ANKRD31: variants seen among roughly 807,000 people sequenced by gnomAD.
ANKRD31 encodes ankyrin repeat domain 31, also known as ankyrin repeat domain-containing protein 31.
In ANKRD31, 147 loss-of-function variants were observed where a neutral mutation model predicts 186.0. The ratio of observed to expected loss-of-function variants is 0.79; its 90% confidence interval spans 0.69 to 0.91. ANKRD31 has a LOEUF of 0.91. ANKRD31 is among the 40% of genes least tolerant of loss of function. ANKRD31 has a pLI of 0.00. For missense variants in ANKRD31, 1,986 were observed against 2,148.8 expected (o/e 0.92, Z 1.50); for synonymous variants, 673 against 736.4 (o/e 0.91, Z 1.39).
intron 3 of ANKRD31, among the ~76,000 whole-genome samples, chr5:75,219,348 G>T (rs952820051): frequency 6.6e-6 from 1 of 152,030 alleles, no homozygotes; most frequent in Non-Finnish European, 1.5e-5. Context: ...ACCAAAAGCA[G>T]CCAAACTGAC....
chr5:75,176,834 C>T (rs1453331216), intron 10 of ANKRD31, among the ~76,000 whole-genome samples: 2 of 152,212 alleles, frequency 1.3e-5, no homozygotes, highest in African/African-American at 4.8e-5. Context: ...GCCTCTCCTC[C>T]TCTAAAGGAA....
intron 5 of ANKRD31, among the ~76,000 whole-genome samples, chr5:75,201,351 A>AC (rs1214247496): frequency 6.6e-6 from 1 of 152,140 alleles, no homozygotes; most frequent in Non-Finnish European, 1.5e-5. Context: ...ACAAGTGATG[A>AC]CATATTTCAT....
chr5:75,161,563 C>T (rs1393738027), intron 11 of ANKRD31, among the ~76,000 whole-genome samples: 1 of 152,188 alleles, frequency 6.6e-6, no homozygotes, highest in East Asian at 1.9e-4. Flanking sequence ...AAGTCAGCTG[C>T]AGAAACTTGC....
At chr5:75,075,778 G>A (rs190882892) in intron 25 of ANKRD31, among the ~76,000 whole-genome samples, 3 of 152,288 alleles carry the variant, frequency 2.0e-5, no homozygotes, top group South Asian at 2.1e-4. Flanking sequence ...GTAATGTTGA[G>A]GGGAGGAGGG....
intron 5 of ANKRD31, among the ~76,000 whole-genome samples, chr5:75,205,920 C>G (rs1246426453): frequency 2.0e-5 from 3 of 151,828 alleles, no homozygotes; most frequent in Non-Finnish European, 2.9e-5. Context: ...ACATGAAATT[C>G]TTATTAAAAA....
intron 10 of ANKRD31, among the ~76,000 whole-genome samples, chr5:75,173,465 CT>C (rs1753517987): frequency 6.6e-6 from 1 of 152,036 alleles, no homozygotes. Context: ...GATGACATCA[CT>C]TTATATTTAG....
At chr5:75,228,861 A>G (rs895637727) in intron 2 of ANKRD31, among the ~76,000 whole-genome samples, 3 of 152,216 alleles carry the variant, frequency 2.0e-5, no homozygotes, top group Non-Finnish European at 4.4e-5. Flanking sequence ...CTGGAGATCA[A>G]TATTACACAC....
intron 17 of ANKRD31, among the ~76,000 whole-genome samples, chr5:75,131,301 C>T (rs6877833): frequency 0.049 from 7,520 of 152,166 alleles, 447 homozygotes; most frequent in African/African-American, 0.14. Context: ...GCACCGAGAG[C>T]GAGCGAGGGT....
In ANKRD31 at chr5:75,118,266, T is replaced by C. The variant is rs1232889106; in HGVS notation, c.3908A>G (p.Asn1303Ser). 2.6e-6 allele frequency: 4 copies of C among 1,511,914 alleles called. No individual in the cohort carries two copies. The Admixed American group carries it at 6.9e-5, about 26-fold the overall frequency. The allele number at this position is 1,511,914 out of a possible 1,614,324, so 93.7% of individuals were successfully genotyped here. A position where few individuals can be genotyped will look rare whatever the true frequency, so the allele number is the denominator to read the frequency against. Residue 1303 changes from asparagine (N) to serine (S), a missense_variant, in exon 18 of 26, where the codon AAC becomes AGC. Physicochemically the swap from Asn to Ser is conservative, Grantham distance 46 (BLOSUM62 1). Transcript: ENST00000506364. ...CTGTTTTTGATCTTTTTGATTAGGG[T>C]TTGCTCCATTTTGTAGTAGAATCTC... ...AAEILLQNGA[N>S]PNQKDQKQKS...
At chr5:75,183,308 T>TGCTA (rs1754461661) in intron 10 of ANKRD31, among the ~76,000 whole-genome samples, 2 of 152,180 alleles carry the variant, frequency 1.3e-5, no homozygotes, top group African/African-American at 4.8e-5. Context: ...ATAGCTACCT[T>TGCTA]CATATGAAAC....
At chr5:75,136,146 A>C (rs1750556766) in intron 17 of ANKRD31, among the ~76,000 whole-genome samples, 1 of 152,228 alleles carries the variant, frequency 6.6e-6, no homozygotes, top group Non-Finnish European at 1.5e-5. Flanking sequence ...TGGCAACAAA[A>C]GCCAAAGTTG....
At chr5:75,093,004 C>G (rs991728931) in intron 22 of ANKRD31, among the ~76,000 whole-genome samples, 13 of 151,950 alleles carry the variant, frequency 8.6e-5, no homozygotes, top group Non-Finnish European at 1.8e-4. Context: ...CAGATTTAAA[C>G]TGGCAAGAGA....
At chr5:75,109,670 C>A (rs2150066959) in intron 20 of ANKRD31, among the ~76,000 whole-genome samples, 1 of 152,200 alleles carries the variant, frequency 6.6e-6, no homozygotes, top group South Asian at 2.1e-4. Flanking sequence ...ACAGCAGGGC[C>A]AAAAGAAAGT....
chr5:75,167,889 G>T (rs1023531141), intron 11 of ANKRD31, among the ~76,000 whole-genome samples: 10 of 152,076 alleles, frequency 6.6e-5, no homozygotes, highest in Non-Finnish European at 1.3e-4. Flanking sequence ...GAGCAAATGG[G>T]CTATGGTGTT....
intron 20 of ANKRD31, among the ~76,000 whole-genome samples, chr5:75,107,963 C>T (rs1000369934): frequency 6.6e-6 from 1 of 151,828 alleles, no homozygotes; most frequent in Admixed American, 6.6e-5. Flanking sequence ...AAAATTATTT[C>T]ATTTTTTTAA....
At chr5:75,195,557 T>C (rs1227830120) in intron 7 of ANKRD31, 74 bp downstream of exon 7, 2 of 1,270,688 alleles carry the variant, frequency 1.6e-6, no homozygotes, top group East Asian at 5.1e-5. Flanking sequence ...CACTGAAAGA[T>C]GCTTGTCCTA....
chr5:75,225,017 C>T (rs1217824581), intron 2 of ANKRD31, among the ~76,000 whole-genome samples: 2 of 152,022 alleles, frequency 1.3e-5, no homozygotes, highest in Non-Finnish European at 2.9e-5. Context: ...TTAAAATAGG[C>T]CTAACACTGG....
rs191553494 is a variant in ANKRD31 at position 75,184,167 on chromosome 5, A to G, written c.1564+4326T>C. Among the ~76,000 whole-genome samples, 14 of 152,306 alleles carry G rather than the reference A, an allele frequency of 9.2e-5. No individual in the cohort carries two copies. In the East Asian group the frequency reaches 1.7e-3, roughly 19 times the overall value. ...CACTGGGGAAAAAACAGCCTCTTCA[A>G]TAAATGGTGCTGGAAAAAATGGATA... is the stretch of plus-strand genomic sequence containing the variant. On this transcript the variant is annotated intron_variant, in intron 10 of 25. Coordinates refer to ENST00000506364, the MANE Select transcript of ANKRD31 (RefSeq NM_001372053.1).
At chr5:75,097,509 A>AT (rs1213261484) in intron 22 of ANKRD31, among the ~76,000 whole-genome samples, 1 of 149,588 alleles carries the variant, frequency 6.7e-6, no homozygotes, top group African/African-American at 2.4e-5. Flanking sequence ...CATGGGGTTG[A>AT]TTTTTTCTTG....
Sources: gnomAD v4.1 joint callset for allele counts (sites outside exome capture counted in the v4.1 genomes callset) on GRCh38, gnomAD v4.1.1 for gene constraint, MANE v1.5 for transcripts, NCBI Gene and HGNC (gene_info 2026-07-23, HGNC 2026-07-21) for gene names.